Variants in SLC9A9 observed in about 807,000 individuals in gnomAD.
SLC9A9 encodes solute carrier family 9 member A9.
Under a neutral mutation model 77.8 loss-of-function variants are expected in SLC9A9, and 62 were observed. The observed-to-expected ratio is 0.80, with a 90% CI of 0.65 to 0.98. The LOEUF (loss-of-function observed/expected upper bound fraction) is 0.98. Ranked by LOEUF, SLC9A9 falls within the 50% of genes least tolerant of loss-of-function variation. SLC9A9 has a pLI of 0.00. For missense variants in SLC9A9, 775 were observed against 774.9 expected (o/e 1.00, Z 0.00); for synonymous variants, 320 against 283.5 (o/e 1.13, Z -1.29).
intron 8 of SLC9A9, among the ~76,000 whole-genome samples, chr3:143,571,218 G>C (rs1167224182): frequency 6.6e-6 from 1 of 152,094 alleles, no homozygotes; most frequent in East Asian, 1.9e-4. Flanking sequence ...CCCATACAAG[G>C]CTCCACGATT....
chr3:143,808,500 AATT>A (rs993855293), intron 2 of SLC9A9, among the ~76,000 whole-genome samples: 1 of 152,190 alleles, frequency 6.6e-6, no homozygotes, highest in Non-Finnish European at 1.5e-5. Context: ...CTTGGCTTGT[AATT>A]ATCTTTTGAA....
intron 4 of SLC9A9, among the ~76,000 whole-genome samples, chr3:143,748,767 A>G (rs58936162): frequency 0.077 from 11,162 of 144,596 alleles, 563 homozygotes; most frequent in African/African-American, 0.15. Context: ...GCAGTGGCGC[A>G]ATCTCGGCTC....
intron 10 of SLC9A9, among the ~76,000 whole-genome samples, chr3:143,494,957 C>T (rs767785237): frequency 5.3e-5 from 8 of 152,166 alleles, no homozygotes; most frequent in Non-Finnish European, 8.8e-5. Flanking sequence ...CTGAATAATC[C>T]TGGATGCTTC....
chr3:143,785,888 GCT>G (rs2008039503), intron 4 of SLC9A9, among the ~76,000 whole-genome samples: 1 of 123,626 alleles, frequency 8.1e-6, no homozygotes, highest in Non-Finnish European at 1.6e-5. Context: ...ACGGAGTTTC[GCT>G]CTGTCGCCCA....
At chr3:143,465,260 T>C (rs950419351) in intron 12 of SLC9A9, among the ~76,000 whole-genome samples, 3 of 152,238 alleles carry the variant, frequency 2.0e-5, no homozygotes, top group Admixed American at 1.3e-4. Flanking sequence ...TATCTCTCCT[T>C]TCTTACTAGG....
intron 9 of SLC9A9, chr3:143,503,676 G>A (rs114172620): frequency 0.058 from 24,242 of 415,858 alleles, 869 homozygotes; most frequent in Middle Eastern, 0.098. Flanking sequence ...GGAGAGTCCT[G>A]CAGCCATCAC....
intron 1 of SLC9A9, among the ~76,000 whole-genome samples, chr3:143,840,738 T>C (rs1452485939): frequency 6.6e-6 from 1 of 151,972 alleles, no homozygotes; most frequent in East Asian, 1.9e-4. Context: ...CCTGACTTCA[T>C]GGGACAGTTG....
chr3:143,416,120 C>A (rs927531957), intron 12 of SLC9A9, among the ~76,000 whole-genome samples: 1 of 152,054 alleles, frequency 6.6e-6, no homozygotes, highest in South Asian at 2.1e-4. Flanking sequence ...TTGCTGCAAT[C>A]CCATGAGAAA....
chr3:143,371,301 A>G (rs2033053532), intron 13 of SLC9A9, among the ~76,000 whole-genome samples: 1 of 152,218 alleles, frequency 6.6e-6, no homozygotes, highest in South Asian at 2.1e-4. Flanking sequence ...ATGTTTTATG[A>G]GTAAGGACAA....
intron 9 of SLC9A9, among the ~76,000 whole-genome samples, chr3:143,506,010 A>C (rs1451994313): frequency 6.6e-6 from 1 of 152,226 alleles, no homozygotes; most frequent in Non-Finnish European, 1.5e-5. Flanking sequence ...CTATTAAAGT[A>C]AAAGTCATTG....
At chr3:143,702,379 G>A (rs1900645) in intron 4 of SLC9A9, among the ~76,000 whole-genome samples, 69,599 of 151,700 alleles carry the variant, frequency 0.46, 16,259 homozygotes, top group African/African-American at 0.48. Flanking sequence ...AGACAGTACC[G>A]TAATACACAA....
intron 14 of SLC9A9, among the ~76,000 whole-genome samples, chr3:143,317,158 C>T (rs977450891): frequency 2.6e-5 from 4 of 152,178 alleles, no homozygotes; most frequent in Non-Finnish European, 4.4e-5. Context: ...CTAATGTCAA[C>T]CCCTCAGTGA....
At chr3:143,582,658 G>A (rs2037475874) in intron 6 of SLC9A9, among the ~76,000 whole-genome samples, 1 of 152,208 alleles carries the variant, frequency 6.6e-6, no homozygotes, top group Non-Finnish European at 1.5e-5. Flanking sequence ...GGGCTAAAAT[G>A]TTCTCATGTA....
At chr3:143,524,412 A>G (rs763513192) in intron 9 of SLC9A9, among the ~76,000 whole-genome samples, 2 of 152,190 alleles carry the variant, frequency 1.3e-5, no homozygotes, top group Non-Finnish European at 2.9e-5. Context: ...ATGGCCAGGG[A>G]GAGATGAGAA....
rs1409382691 is a variant in SLC9A9 at position 143,266,311 on chromosome 3, T to C, written c.*391A>G. 8 of 578,710 alleles carry C rather than the reference T, an allele frequency of 1.4e-5. No homozygotes were observed. The highest frequency in any genetic ancestry group is 6.4e-5 in the South Asian group (3 of 47,216). The allele number at this position is 578,710 out of a possible 1,614,324, so 35.8% of individuals were successfully genotyped here. ...GTTTACTCTCAGAAGCTTTCTTTTA[T>C]TTTTAAACTCTCCTTAATGGAGGGA... On this transcript the variant is annotated 3_prime_UTR_variant, in exon 16 of 16. Transcript: ENST00000316549.
intron 6 of SLC9A9, among the ~76,000 whole-genome samples, chr3:143,591,665 A>G (rs910249623): frequency 1.4e-5 from 2 of 145,250 alleles, no homozygotes; most frequent in African/African-American, 5.7e-5. Flanking sequence ...ACTAACACAG[A>G]GTCAGAGGCT....
chr3:143,746,661 T>A (rs1935204593), intron 4 of SLC9A9, among the ~76,000 whole-genome samples: 1 of 152,202 alleles, frequency 6.6e-6, no homozygotes, highest in Non-Finnish European at 1.5e-5. Context: ...CCAATTTGAA[T>A]ACATTTACCT....
intron 2 of SLC9A9, among the ~76,000 whole-genome samples, chr3:143,816,949 G>A (rs1048974891): frequency 1.3e-5 from 2 of 152,026 alleles, no homozygotes; most frequent in Non-Finnish European, 2.9e-5. Flanking sequence ...TCTCTTTAGT[G>A]AATTTTCTGA....
In SLC9A9 at chr3:143,820,093, A is replaced by G. The variant is rs1020187857; in HGVS notation, c.378+11926T>C. ...ACACTATTCTAAGTGCTTCACATGAATTTTCTCATTTGCAATTCACAATAG... is the reference window on the plus strand; with the variant it reads ...ACACTATTCTAAGTGCTTCACATGAGTTTTCTCATTTGCAATTCACAATAG... On this transcript the variant is annotated intron_variant, in intron 2 of 15. Coordinates refer to ENST00000316549, the MANE Select transcript of SLC9A9 (RefSeq NM_173653.4). Among the ~76,000 whole-genome samples, 11 of 152,332 alleles carry G rather than the reference A, an allele frequency of 7.2e-5. 1 individual carries two copies. In the South Asian group the frequency reaches 2.3e-3, roughly 32 times the overall value.
Sources: allele counts gnomAD v4.1 joint callset (sites outside exome capture counted in the v4.1 genomes callset), GRCh38; gene constraint gnomAD v4.1.1; transcripts MANE v1.5; gene names NCBI Gene and HGNC (gene_info 2026-07-23, HGNC 2026-07-21).